Variants in AFF2 observed in about 807,000 individuals in gnomAD.
AFF2 encodes ALF transcription elongation factor 2.
A neutral mutation model predicts 76.9 loss-of-function variants in AFF2; 14 were observed. The ratio of observed to expected loss-of-function variants is 0.18; its 90% CI spans 0.12 to 0.28. The LOEUF (loss-of-function observed/expected upper bound fraction) is 0.28, where lower values mean the gene tolerates loss of function less well. Among genes scored for constraint, AFF2 ranks in the 10% least tolerant of loss-of-function variants. AFF2 has a pLI of 1.00. For synonymous variants in AFF2, 398 were observed against 366.7 expected (o/e 1.09, Z -0.98); for missense variants, 868 against 1,001.1 (o/e 0.87, Z 1.79).
At chrX:148,877,487 T>TAA (rs1396431772) in intron 7 of AFF2, among the ~76,000 whole-genome samples, 6 of 112,769 alleles carry the variant, frequency 5.3e-5, no homozygotes, top group African/African-American at 1.9e-4. Context: ...TTTTTATAAA[T>TAA]AACTGAGCAA....
At chrX:148,851,972 C>T (rs926911805) in intron 7 of AFF2, among the ~76,000 whole-genome samples, 3 of 110,118 alleles carry the variant, frequency 2.7e-5, no homozygotes, top group Non-Finnish European at 3.8e-5. Context: ...TGAGAACATG[C>T]AGTATTTGGT....
Position 148,991,511 on chromosome X carries a change from G to T in AFF2, c.*179G>T. 2.1e-6 allele frequency: 1 copy of T among 484,066 alleles called. No homozygotes were observed. The highest frequency in any genetic ancestry group is 3.1e-6 in the Non-Finnish European group (1 of 325,698). 39.9% of individuals were successfully genotyped at this position (484,066 alleles called of 1,213,427 possible). ...TGTAAGTTGACACTACAACTTAAGG[G>T]CAGTGTACGTTTTATTACTTAGTCA... On this transcript the variant is annotated 3_prime_UTR_variant, in exon 21 of 21. Transcript: ENST00000370460.
At chrX:148,723,935 G>A (rs1262169157) in intron 3 of AFF2, among the ~76,000 whole-genome samples, 1 of 45,108 alleles carries the variant, frequency 2.2e-5, no homozygotes, top group South Asian at 8.4e-4. Flanking sequence ...TTTTTTTTTT[G>A]GTGATGATGG....
intron 4 of AFF2, among the ~76,000 whole-genome samples, chrX:148,812,004 C>T (rs1372062625): frequency 9.2e-6 from 1 of 108,380 alleles, no homozygotes; most frequent in African/African-American, 3.4e-5. Flanking sequence ...TTTCCAACAA[C>T]GCTGTTAATG....
At chrX:148,578,359 C>A (rs1346134446) in intron 1 of AFF2, among the ~76,000 whole-genome samples, 3 of 111,142 alleles carry the variant, frequency 2.7e-5, no homozygotes, top group Admixed American at 9.7e-5. Context: ...TAGATTATTT[C>A]TTTGAGGACT....
At chrX:148,649,557 C>T (rs2054183555) in intron 1 of AFF2, among the ~76,000 whole-genome samples, 1 of 112,254 alleles carries the variant, frequency 8.9e-6, no homozygotes, top group African/African-American at 3.2e-5. Flanking sequence ...GGCAGTTTTG[C>T]TTGCAACAGA....
chrX:148,705,952 C>T (rs1401293955), intron 3 of AFF2, among the ~76,000 whole-genome samples: 1 of 111,701 alleles, frequency 9.0e-6, no homozygotes, highest in Admixed American at 9.5e-5. Context: ...ATTAGGAGAT[C>T]CTTCTAACTA....
chrX:148,653,846 A>G (rs868928044), intron 2 of AFF2, among the ~76,000 whole-genome samples: 33 of 111,813 alleles, frequency 3.0e-4, no homozygotes, highest in African/African-American at 1.0e-3. Flanking sequence ...GGAGGAGAAC[A>G]TGGTTGCTGC....
intron 1 of AFF2, chrX:148,546,879 A>G: frequency 8.9e-6 from 1 of 112,148 alleles, no homozygotes; most frequent in East Asian, 2.8e-4. Context: ...TGCAAAAAAG[A>G]TATTACTACT....
At chrX:148,706,976 T>C (rs2054892917) in intron 3 of AFF2, among the ~76,000 whole-genome samples, 1 of 112,426 alleles carries the variant, frequency 8.9e-6, no homozygotes, top group Non-Finnish European at 1.9e-5. Flanking sequence ...TCTTTCACTA[T>C]GTAGACATAG....
chrX:148,698,001 A>G (rs979109815), intron 3 of AFF2, among the ~76,000 whole-genome samples: 1 of 112,635 alleles, frequency 8.9e-6, no homozygotes, highest in Admixed American at 9.4e-5. Flanking sequence ...CAAATTCCAG[A>G]TCTCCTCAGA....
intron 19 of AFF2, among the ~76,000 whole-genome samples, chrX:148,983,700 C>T (rs1455781809): frequency 9.1e-6 from 1 of 110,044 alleles, no homozygotes; most frequent in African/African-American, 3.3e-5. Flanking sequence ...AAGTAGCCAT[C>T]CATCCTATCA....
At chrX:148,554,233 A>G (rs189989814) in intron 1 of AFF2, among the ~76,000 whole-genome samples, 30 of 112,889 alleles carry the variant, frequency 2.7e-4, no homozygotes, top group Admixed American at 6.5e-4. Context: ...CATTCAACAG[A>G]TATTTTAAAA....
intron 9 of AFF2, among the ~76,000 whole-genome samples, chrX:148,915,394 C>A (rs2071516121): frequency 8.9e-6 from 1 of 112,019 alleles, no homozygotes; most frequent in African/African-American, 3.3e-5. Context: ...AAAAGAAGGT[C>A]TCAAATCTTT....
chrX:148,961,980 T>G (rs971969961), intron 12 of AFF2, among the ~76,000 whole-genome samples: 1 of 112,749 alleles, frequency 8.9e-6, no homozygotes, highest in South Asian at 3.7e-4. Context: ...TATTTGGTGG[T>G]GCCCATTTAA....
intron 2 of AFF2, among the ~76,000 whole-genome samples, chrX:148,661,560 C>T (rs1475586986): frequency 1.8e-5 from 2 of 111,862 alleles, no homozygotes; most frequent in Non-Finnish European, 3.8e-5. Context: ...TTGTTAATCA[C>T]AATGTAGAAT....
chrX:148,878,769 C>G (rs2071063812), intron 7 of AFF2, among the ~76,000 whole-genome samples: 1 of 112,103 alleles, frequency 8.9e-6, no homozygotes, highest in Non-Finnish European at 1.9e-5. Context: ...GGGAAATTCA[C>G]TCTTAGATGT....
intron 4 of AFF2, among the ~76,000 whole-genome samples, chrX:148,816,470 A>G (rs976558288): frequency 9.0e-6 from 1 of 111,693 alleles, no homozygotes; most frequent in African/African-American, 3.2e-5. Flanking sequence ...GAAGAAGCCA[A>G]TAAGTGATTC....
At chrX:148,973,847 C>T (rs1368687671) in intron 16 of AFF2, among the ~76,000 whole-genome samples, 3 of 111,639 alleles carry the variant, frequency 2.7e-5, no homozygotes, top group Admixed American at 9.6e-5. Context: ...TTTCAATATT[C>T]GTAACATTAA....
Sources: gnomAD v4.1 joint callset for allele counts (sites outside exome capture counted in the v4.1 genomes callset) on GRCh38, gnomAD v4.1.1 for gene constraint, MANE v1.5 for transcripts, NCBI Gene and HGNC (gene_info 2026-07-23, HGNC 2026-07-21) for gene names.